Variants in PRRX1 observed in about 807,000 individuals in gnomAD.
The protein encoded by PRRX1 is paired mesoderm homeobox protein 1.
A neutral mutation model predicts 24.0 loss-of-function variants in PRRX1; 8 were observed. The ratio of observed to expected loss-of-function variants is 0.33; its 90% confidence interval spans 0.20 to 0.60. PRRX1 has a LOEUF of 0.60. PRRX1 is among the 20% of genes least tolerant of loss of function. PRRX1 has a pLI of 0.82. For synonymous variants in PRRX1, 160 were observed against 131.7 expected (o/e 1.22, Z -1.47); for missense variants, 281 against 322.4 (o/e 0.87, Z 0.98).
chr1:170,726,301 T>C lies in PRRX1; in HGVS notation c.499T>C (p.Ser167Pro). 6.2e-7 allele frequency: 1 copy of C among 1,613,952 alleles called. No individual in the cohort carries two copies. ...LANKNASLLK[S>P]YSGDVTAVEQ... ...CAATAAAAACGCTTCCCTCCTCAAA[T>C]CCTACTCAGGAGACGTGACTGCTGT... The change falls in exon 3 of 4, where the codon TCC (serine) becomes CCC (proline). Residue 167 changes from serine to proline, a missense_variant. By Grantham distance (74) the Ser-to-Pro change is moderately conservative. Transcript: ENST00000239461.
chr1:170,666,857 A>C (rs886281667), intron 1 of PRRX1, among the ~76,000 whole-genome samples: 4 of 152,058 alleles, frequency 2.6e-5, no homozygotes, highest in Non-Finnish European at 5.9e-5. Flanking sequence ...CGGGCTGGCC[A>C]GAGGAAGCTA....
chr1:170,664,088 C>CCTCTCTGTCTCTCTCTCTCT, upstream of PRRX1: 1 of 661,376 alleles, frequency 1.5e-6, no homozygotes, highest in East Asian at 3.0e-5. Flanking sequence ...CCTCTTCCTC[C>CCTCTCTGTCTCTCTCTCTCT]CTCTCTCTCT....
chr1:170,664,569 A>G lies in PRRX1; in HGVS notation c.241+110A>G, dbSNP rs1253845473. The G allele has an allele frequency of 2.3e-5, 33 of 1,446,144 alleles. No individual in the cohort carries two copies. The Admixed American group carries it at 7.4e-4, about 33-fold the overall frequency. 89.6% of individuals were successfully genotyped at this position (1,446,144 alleles called of 1,614,324 possible). ...GCCAGAAAGACAAGGTCCTGGGACC[A>G]GGAGAGGTGATGGCAGACTTCAAAG... On this transcript the variant is annotated intron_variant, in intron 1 of 3. Coordinates refer to ENST00000239461, the MANE Select transcript of PRRX1 (RefSeq NM_022716.4).
At chr1:170,705,674 C>T (rs1654533005) in intron 1 of PRRX1, among the ~76,000 whole-genome samples, 1 of 152,060 alleles carries the variant, frequency 6.6e-6, no homozygotes, top group South Asian at 2.1e-4. Context: ...GAGCTCCTAC[C>T]AGAAACTACT....
At chr1:170,695,842 T>C (rs1419337326) in intron 1 of PRRX1, among the ~76,000 whole-genome samples, 1 of 39,070 alleles carries the variant, frequency 2.6e-5, no homozygotes, top group African/African-American at 3.3e-4. Context: ...GTATGCTTTT[T>C]TTCCCCCCCT....
rs540735754 is a variant in PRRX1 at position 170,667,617 on chromosome 1, G to A, written c.241+3158G>A. 2.6e-5 allele frequency: 4 copies of A among 152,302 alleles called. No homozygotes were observed. In the South Asian group the frequency reaches 8.3e-4, roughly 32 times the overall value. 9.4% of individuals were successfully genotyped at this position (152,302 alleles called of 1,614,324 possible). A position where few individuals can be genotyped will look rare whatever the true frequency, so the allele number is the denominator to read the frequency against. On this transcript the variant is annotated intron_variant, in intron 1 of 3. Transcript: ENST00000239461. ...CTCAGACTGTGAATCAGGGAAGAGG[G>A]GAGTGTCTCGGGAAAGGATGGCTAG...
intron 1 of PRRX1, among the ~76,000 whole-genome samples, chr1:170,691,029 G>T (rs1395519139): frequency 1.3e-5 from 2 of 152,082 alleles, no homozygotes; most frequent in East Asian, 3.9e-4. Context: ...ATGAAAAGAT[G>T]CTTGACAAAA....
At chr1:170,701,976 C>T (rs1357675408) in intron 1 of PRRX1, among the ~76,000 whole-genome samples, 1 of 150,770 alleles carries the variant, frequency 6.6e-6, no homozygotes, top group African/African-American at 2.4e-5. Context: ...GGACCGGTTT[C>T]ATGGAAGTCA....
At chr1:170,677,556 G>A (rs1653365929) in intron 1 of PRRX1, among the ~76,000 whole-genome samples, 1 of 152,194 alleles carries the variant, frequency 6.6e-6, no homozygotes, top group Admixed American at 6.5e-5. Context: ...GCCATTTAGT[G>A]CCATTGAAAT....
chr1:170,720,611 C>T (rs1363324810), intron 2 of PRRX1, among the ~76,000 whole-genome samples: 5 of 152,190 alleles, frequency 3.3e-5, no homozygotes, highest in Non-Finnish European at 7.3e-5. Flanking sequence ...CTGTCCCCTA[C>T]CTCAGCTCTC....
rs575268204 is a variant in PRRX1, at chr1:170,664,450, C to G, written c.232C>G (p.Gln78Glu). The change falls in exon 1 of 4, where the codon CAG (glutamine) becomes GAG (glutamate). Residue 78 changes from glutamine to glutamate, a missense_variant. Transcript: ENST00000239461. ...PGLTSGSDTP[Q>E]QDNDQLNSEE... ...ACTCACCAGCGGCAGCGACACCCCG[C>G]AGCAGGACAGTGAGTGAGGGGCGCA... The G allele has an allele frequency of 6.2e-7, 1 of 1,602,016 alleles. No homozygotes were observed. Among genetic ancestry groups the G allele is most frequent in the African/African-American group, 1.3e-5 (1 of 74,808 alleles).
At chr1:170,732,086 T>C (rs1416583254) in intron 3 of PRRX1, among the ~76,000 whole-genome samples, 1 of 152,190 alleles carries the variant, frequency 6.6e-6, no homozygotes, top group East Asian at 1.9e-4. Context: ...TAAGCAGGCT[T>C]CTGGTTGTTG....
At chr1:170,696,425 C>A (rs968118120) in intron 1 of PRRX1, among the ~76,000 whole-genome samples, 1 of 152,076 alleles carries the variant, frequency 6.6e-6, no homozygotes, top group African/African-American at 2.4e-5. Flanking sequence ...GAAAAGATAA[C>A]ATAAGGTGCA....
At chr1:170,732,175 G>A (rs901516741) in intron 3 of PRRX1, among the ~76,000 whole-genome samples, 3 of 152,182 alleles carry the variant, frequency 2.0e-5, no homozygotes, top group African/African-American at 4.8e-5. Context: ...GTATAGGAAG[G>A]ACTGGTCATT....
At chr1:170,726,188 T>C in intron 2 of PRRX1, 32 bp from the exon 3 acceptor site, 1 of 1,596,462 alleles carries the variant, frequency 6.3e-7, no homozygotes, top group Non-Finnish European at 8.6e-7. Context: ...CTCTCTTTCC[T>C]TATGCCTTCT....
intron 1 of PRRX1, among the ~76,000 whole-genome samples, chr1:170,704,278 C>A (rs909089980): frequency 6.6e-6 from 1 of 152,166 alleles, no homozygotes; most frequent in Non-Finnish European, 1.5e-5. Context: ...AACCTCTCAA[C>A]GCTGGGAAGT....
intron 3 of PRRX1, chr1:170,727,177 A>G (rs1276850053): frequency 1.3e-5 from 2 of 152,176 alleles, no homozygotes; most frequent in Non-Finnish European, 2.9e-5. Context: ...TTTTATATTA[A>G]AAAGTTGAAC....
At chr1:170,733,160 C>T (rs1427376033) in intron 3 of PRRX1, among the ~76,000 whole-genome samples, 1 of 152,188 alleles carries the variant, frequency 6.6e-6, no homozygotes, top group Non-Finnish European at 1.5e-5. Context: ...TGTTACCCTG[C>T]TAAGTCCTCA....
At chr1:170,719,928 C>T (rs1194891458) in intron 2 of PRRX1, 27 bp downstream of exon 2, 5 of 1,611,974 alleles carry the variant, frequency 3.1e-6, no homozygotes, top group Non-Finnish European at 4.2e-6. Context: ...GAGGCTGGCA[C>T]CAAGTAGTAC....
Sources: gnomAD v4.1 joint callset for allele counts (sites outside exome capture counted in the v4.1 genomes callset) on GRCh38, gnomAD v4.1.1 for gene constraint, MANE v1.5 for transcripts, NCBI Gene and HGNC (gene_info 2026-07-23, HGNC 2026-07-21) for gene names.